SUFU: variants seen among roughly 807,000 people sequenced by gnomAD.
SUFU encodes the protein SUFU negative regulator of hedgehog signaling.
SUFU carries 7 observed loss-of-function variants against 58.9 expected under a neutral mutation model. The ratio of observed to expected loss-of-function variants is 0.12; its 90% confidence interval spans 0.07 to 0.22. The LOEUF (loss-of-function observed/expected upper bound fraction) is 0.22. Among genes scored for constraint, SUFU ranks in the 10% least tolerant of loss-of-function variants. The pLI is 1.00. For missense variants in SUFU, 451 were observed against 641.3 expected (o/e 0.70, Z 3.20); for synonymous variants, 232 against 254.8 (o/e 0.91, Z 0.85).
At chr10:102,580,000 G>A (rs1209953629) in intron 3 of SUFU, 1 of 283,946 alleles carries the variant, frequency 3.5e-6, no homozygotes, top group Non-Finnish European at 5.2e-6. Flanking sequence ...CACATGTACA[G>A]AGAATCTGTT....
chr10:102,582,453 A>G (rs890047846), intron 3 of SUFU, among the ~76,000 whole-genome samples: 1 of 152,094 alleles, frequency 6.6e-6, no homozygotes, highest in African/African-American at 2.4e-5. Context: ...TATATCCGGG[A>G]CAGTCCAACT....
rs540910508 is a variant in SUFU, at chr10:102,593,881, C to T, written c.684-112C>T. On this transcript the variant is annotated intron_variant, in intron 5 of 11. Coordinates refer to ENST00000369902, the MANE Select transcript of SUFU (RefSeq NM_016169.4). Reference sequence around the variant, plus strand: ...CTCACTCCCTGACAGTCCCTGACCACGAACTATTCCCCTGTGTCCTAGGCC... The same window carrying T: ...CTCACTCCCTGACAGTCCCTGACCATGAACTATTCCCCTGTGTCCTAGGCC... 13 of 1,428,408 alleles carry T rather than the reference C, an allele frequency of 9.1e-6. No individual in the cohort carries two copies. In the East Asian group the frequency reaches 9.1e-5, roughly 10 times the overall value. The allele number at this position is 1,428,408 out of a possible 1,614,324, so 88.5% of individuals were successfully genotyped here. A position where few individuals can be genotyped will look rare whatever the true frequency, so the allele number is the denominator to read the frequency against.
intron 3 of SUFU, among the ~76,000 whole-genome samples, chr10:102,554,977 T>C (rs1451371484): frequency 1.3e-5 from 2 of 152,132 alleles, no homozygotes; most frequent in Admixed American, 1.3e-4. Flanking sequence ...TTAAAAACTT[T>C]ATATGGATTG....
At position 102,630,230 on chromosome 10, in the gene SUFU, A is replaced by G; in HGVS notation, c.*75A>G. ...TGACTTCCAGTGTAACAGTTGTGTC[A>G]ACGAGATCTCCACAAATAAAAGGAC... On this transcript the variant is annotated 3_prime_UTR_variant, in exon 12 of 12. Transcript: ENST00000369902. 8.0e-7 allele frequency: 1 copy of G among 1,247,252 alleles called. No individual in the cohort carries two copies. Among genetic ancestry groups the G allele is most frequent in the Non-Finnish European group, 1.2e-6 (1 of 851,872 alleles). The allele number at this position is 1,247,252 out of a possible 1,614,324, so 77.3% of individuals were successfully genotyped here.
At chr10:102,601,946 G>A (rs574545824) in intron 8 of SUFU, among the ~76,000 whole-genome samples, 24 of 152,268 alleles carry the variant, frequency 1.6e-4, no homozygotes, top group African/African-American at 5.8e-4. Flanking sequence ...GGGTCTTCGC[G>A]GGTTTGTCTG....
intron 4 of SUFU, among the ~76,000 whole-genome samples, 186 bp downstream of exon 4, chr10:102,592,910 G>A (rs922146795): frequency 1.3e-5 from 2 of 152,224 alleles, no homozygotes; most frequent in Non-Finnish European, 2.9e-5. Context: ...AGATGGGAGA[G>A]GGGAGAAAGG....
At chr10:102,543,355 G>A (rs754227319) in intron 2 of SUFU, among the ~76,000 whole-genome samples, 31 of 151,994 alleles carry the variant, frequency 2.0e-4, no homozygotes, top group Non-Finnish European at 3.5e-4. Context: ...TGTATATCTC[G>A]TTTGTGAATT....
intron 3 of SUFU, among the ~76,000 whole-genome samples, chr10:102,587,280 G>A (rs931176061): frequency 2.6e-5 from 4 of 152,104 alleles, no homozygotes; most frequent in Admixed American, 6.6e-5. Flanking sequence ...CAGAACCGCC[G>A]TACTGTTTTG....
intron 2 of SUFU, among the ~76,000 whole-genome samples, chr10:102,530,445 A>C: frequency 9.5e-6 from 1 of 105,098 alleles, no homozygotes. Context: ...ACTATTTTAA[A>C]TCTTTTTTTT....
chr10:102,584,827 G>A (rs2063320374), intron 3 of SUFU, among the ~76,000 whole-genome samples: 1 of 152,232 alleles, frequency 6.6e-6, no homozygotes, highest in Non-Finnish European at 1.5e-5. Flanking sequence ...ATGCTGATGG[G>A]TGTTGTGGAT....
At chr10:102,509,120 G>A (rs2281879) in intron 1 of SUFU, 49 bp from the exon 2 acceptor site, 10 of 1,612,188 alleles carry the variant, frequency 6.2e-6, no homozygotes, top group South Asian at 4.4e-5. Context: ...GCTTGACATT[G>A]TCTGATTTCC....
intron 3 of SUFU, among the ~76,000 whole-genome samples, chr10:102,568,943 T>TATAC (rs2063131769): frequency 1.3e-5 from 1 of 78,948 alleles, no homozygotes; most frequent in African/African-American, 4.6e-5. Flanking sequence ...TATATATATA[T>TATAC]ATATATATAT....
At chr10:102,610,617 A>G (rs913078794) in intron 8 of SUFU, among the ~76,000 whole-genome samples, 2 of 152,126 alleles carry the variant, frequency 1.3e-5, no homozygotes, top group African/African-American at 2.4e-5. Flanking sequence ...CCAAAGAGTA[A>G]TGATGTCAGT....
intron 8 of SUFU, among the ~76,000 whole-genome samples, chr10:102,614,072 C>A (rs1259423985): frequency 6.6e-6 from 1 of 152,220 alleles, no homozygotes; most frequent in Admixed American, 6.5e-5. Flanking sequence ...GTGAATGTCC[C>A]TGCAGCTCCT....
At chr10:102,627,028 GC>G in intron 10 of SUFU, 146 bp from the exon 11 acceptor site, 1 of 827,488 alleles carries the variant, frequency 1.2e-6, no homozygotes, top group South Asian at 1.4e-5. Context: ...CTGGGGACAG[GC>G]CTCAAACACT....
intron 2 of SUFU, among the ~76,000 whole-genome samples, chr10:102,536,078 C>A (rs886221186): frequency 6.6e-6 from 1 of 152,076 alleles, no homozygotes; most frequent in East Asian, 1.9e-4. Flanking sequence ...AAGAGATTCT[C>A]CTGTCTCAGC....
In SUFU at chr10:102,509,250, G is replaced by A. The variant is rs2135620546; in HGVS notation, c.264G>A (p.Trp88Ter). ...CTTCTGCTAACATCCCCGAGCACTG[G>A]CACTACATCAGCTTCGGCCTGAGTG... ...GSPSANIPEH[W>*]HYISFGLSDL... The change falls in exon 2 of 12, where the codon TGG becomes TGA. Residue 88 changes from tryptophan to a stop codon, truncating the protein, a stop_gained. Coordinates refer to ENST00000369902, the MANE Select transcript of SUFU (RefSeq NM_016169.4). LOFTEE classifies it high-confidence loss of function. 6.2e-7 allele frequency: 1 copy of A among 1,614,190 alleles called. No homozygotes were observed.
At position 102,630,719 on chromosome 10, in the gene SUFU, TATA is replaced by T. The variant is rs1564712887; in HGVS notation, c.*567_*569del. The T allele has an allele frequency of 3.7e-6, 1 of 267,320 alleles. No homozygotes were observed. Among genetic ancestry groups the T allele is most frequent in the African/African-American group, 2.1e-5 (1 of 46,606 alleles). 16.6% of individuals were successfully genotyped at this position (267,320 alleles called of 1,614,324 possible). The stretch of plus-strand genomic sequence containing the variant: ...TGCAAAGATGTCCAGAAGCCATGTA[TATA>T]ATGTTTTTTAAACAGAACTTCATTC... On this transcript the variant is annotated 3_prime_UTR_variant, in exon 12 of 12. Transcript: ENST00000369902.
intron 3 of SUFU, among the ~76,000 whole-genome samples, chr10:102,556,147 C>G: frequency 6.6e-6 from 1 of 152,112 alleles, no homozygotes; most frequent in East Asian, 1.9e-4. Flanking sequence ...GAAAGGGGAA[C>G]GATGAGGCTC....
Sources: allele counts gnomAD v4.1 joint callset (sites outside exome capture counted in the v4.1 genomes callset), GRCh38; gene constraint gnomAD v4.1.1; transcripts MANE v1.5; gene names NCBI Gene and HGNC (gene_info 2026-07-23, HGNC 2026-07-21).